Variants in CCSER1 observed in about 807,000 individuals in gnomAD.
CCSER1 encodes the protein coiled-coil serine rich protein 1, also known as serine-rich coiled-coil domain-containing protein 1.
A neutral mutation model predicts 82.0 loss-of-function variants in CCSER1; 41 were observed. That is an observed-to-expected ratio of 0.50 (90% CI 0.39 to 0.65). The LOEUF (loss-of-function observed/expected upper bound fraction) is 0.65. Ranked by LOEUF, CCSER1 falls within the 30% of genes least tolerant of loss-of-function variation. CCSER1 has a pLI of 0.00. For synonymous variants in CCSER1, 414 were observed against 383.9 expected (o/e 1.08, Z -0.92); for missense variants, 1,119 against 1,064.2 (o/e 1.05, Z -0.72).
intron 6 of CCSER1, among the ~76,000 whole-genome samples, chr4:90,716,235 A>G (rs529405368): frequency 6.6e-6 from 1 of 152,052 alleles, no homozygotes; most frequent in South Asian, 2.1e-4. Context: ...CTGGAAAAAT[A>G]TGTTGTACTT....
chr4:90,548,730 A>G (rs1464322078), intron 5 of CCSER1, among the ~76,000 whole-genome samples: 3 of 89,240 alleles, frequency 3.4e-5, no homozygotes, highest in African/African-American at 1.2e-4. Flanking sequence ...ATTTAAAGAT[A>G]TATATATATA....
intron 7 of CCSER1, among the ~76,000 whole-genome samples, chr4:90,729,766 C>T (rs1356729954): frequency 6.6e-6 from 1 of 151,960 alleles, no homozygotes; most frequent in Non-Finnish European, 1.5e-5. Context: ...GTCCCAGCTA[C>T]TGGGGAGGCT....
intron 5 of CCSER1, among the ~76,000 whole-genome samples, chr4:90,576,974 C>T (rs1012845367): frequency 6.6e-6 from 1 of 152,010 alleles, no homozygotes; most frequent in Non-Finnish European, 1.5e-5. Flanking sequence ...AATGGCTGTA[C>T]CATTTTGCAT....
chr4:91,033,812 A>T (rs1335892027), intron 9 of CCSER1, among the ~76,000 whole-genome samples: 1 of 152,204 alleles, frequency 6.6e-6, no homozygotes, highest in Admixed American at 6.5e-5. Context: ...AAGGAGAAGT[A>T]CTTGTAACTC....
intron 5 of CCSER1, among the ~76,000 whole-genome samples, chr4:90,542,160 C>CA (rs1346204445): frequency 6.6e-6 from 1 of 151,718 alleles, no homozygotes; most frequent in Admixed American, 6.6e-5. Context: ...GATTAAAAAG[C>CA]AAAAAAATTT....
intron 4 of CCSER1, among the ~76,000 whole-genome samples, chr4:90,443,297 T>C (rs1760169445): frequency 6.6e-6 from 1 of 152,142 alleles, no homozygotes; most frequent in South Asian, 2.1e-4. Flanking sequence ...TCATTATTCT[T>C]CTGCATTGGG....
chr4:90,164,240 A>G (rs1260127761), intron 1 of CCSER1, among the ~76,000 whole-genome samples: 1 of 148,366 alleles, frequency 6.7e-6, no homozygotes, highest in Non-Finnish European at 1.5e-5. Flanking sequence ...AATAGCTACA[A>G]TTTCCTACAT....
At chr4:90,285,623 G>T (rs570633114) in intron 1 of CCSER1, among the ~76,000 whole-genome samples, 7 of 152,044 alleles carry the variant, frequency 4.6e-5, no homozygotes, top group African/African-American at 1.7e-4. Flanking sequence ...CAATATGGTT[G>T]CCCTTTATTT....
chr4:90,714,773 T>C (rs1741321271), intron 6 of CCSER1, among the ~76,000 whole-genome samples: 1 of 152,092 alleles, frequency 6.6e-6, no homozygotes, highest in South Asian at 2.1e-4. Flanking sequence ...AGCTTAGTTA[T>C]TGTTGCAGTA....
intron 5 of CCSER1, among the ~76,000 whole-genome samples, chr4:90,550,757 C>T (rs188502151): frequency 3.8e-4 from 58 of 151,778 alleles, no homozygotes; most frequent in Middle Eastern, 3.4e-3. Flanking sequence ...AAAATATATA[C>T]GACTTTTATT....
At chr4:91,573,315 T>C (rs6532321) in intron 10 of CCSER1, among the ~76,000 whole-genome samples, 72,421 of 152,024 alleles carry the variant, frequency 0.48, 17,591 homozygotes, top group East Asian at 0.63. Context: ...GGTCTTATCT[T>C]GTGAGACACC....
At chr4:90,322,738 G>T (rs777182587) in intron 3 of CCSER1, among the ~76,000 whole-genome samples, 2 of 152,076 alleles carry the variant, frequency 1.3e-5, no homozygotes, top group African/African-American at 4.8e-5. Context: ...TGCTTACCAG[G>T]CAAAGTCTCT....
intron 10 of CCSER1, among the ~76,000 whole-genome samples, chr4:91,592,499 G>T (rs199553449): frequency 4.3e-4 from 66 of 152,114 alleles, no homozygotes; most frequent in East Asian, 4.3e-3. Flanking sequence ...TAACCTGCAG[G>T]TCTCATTAAT....
At chr4:91,372,729 A>G (rs970003792) in intron 10 of CCSER1, among the ~76,000 whole-genome samples, 1 of 152,172 alleles carries the variant, frequency 6.6e-6, no homozygotes, top group Non-Finnish European at 1.5e-5. Flanking sequence ...GAATATAATA[A>G]TACAAGATGA....
chr4:91,554,132 T>C (rs550435033), intron 10 of CCSER1, among the ~76,000 whole-genome samples: 3 of 151,838 alleles, frequency 2.0e-5, no homozygotes, highest in African/African-American at 7.2e-5. Context: ...TTTTGATTTA[T>C]CCTCTGACAT....
intron 3 of CCSER1, among the ~76,000 whole-genome samples, chr4:90,349,689 A>T (rs1326712067): frequency 6.6e-6 from 1 of 151,948 alleles, no homozygotes; most frequent in Non-Finnish European, 1.5e-5. Flanking sequence ...CTCTTAGTAT[A>T]CATTGTGTGA....
chr4:90,483,664 T>G (rs942623239), intron 5 of CCSER1, among the ~76,000 whole-genome samples: 2 of 152,116 alleles, frequency 1.3e-5, no homozygotes, highest in East Asian at 1.9e-4. Flanking sequence ...AATTCTGAGT[T>G]GAAAATTCTT....
intron 5 of CCSER1, among the ~76,000 whole-genome samples, chr4:90,600,955 A>G (rs887586789): frequency 2.2e-5 from 3 of 137,740 alleles, no homozygotes; most frequent in Admixed American, 1.4e-4. Flanking sequence ...TGTTAGTGAT[A>G]TTATTTTATT....
intron 1 of CCSER1, among the ~76,000 whole-genome samples, chr4:90,243,081 T>TTTA (rs1553968410): frequency 2.1e-5 from 3 of 143,436 alleles, no homozygotes; most frequent in African/African-American, 5.3e-5. Flanking sequence ...TTTTTTTTTT[T>TTTA]AAAATAGGAT....
Sources: gnomAD v4.1 joint callset for allele counts (sites outside exome capture counted in the v4.1 genomes callset) on GRCh38, gnomAD v4.1.1 for gene constraint, MANE v1.5 for transcripts, NCBI Gene and HGNC (gene_info 2026-07-23, HGNC 2026-07-21) for gene names.